The following LRRC40 variants were observed in gnomAD, a reference collection of about 807,000 sequenced individuals.
The protein encoded by LRRC40 is leucine-rich repeat-containing protein 40.
LRRC40 carries 76 observed loss-of-function variants against 72.8 expected under a neutral mutation model. The ratio of observed to expected loss-of-function variants is 1.04; its 90% confidence interval spans 0.87 to 1.26. The LOEUF (loss-of-function observed/expected upper bound fraction) is 1.26, where lower values mean the gene tolerates loss of function less well. Ranked by LOEUF, LRRC40 falls within the 50% of genes most tolerant of loss-of-function variation. The pLI is 0.00. For missense variants in LRRC40, 684 were observed against 698.9 expected (o/e 0.98, Z 0.24); for synonymous variants, 243 against 254.2 (o/e 0.96, Z 0.42).
Position 70,178,978 on chromosome 1 carries a change from T to A in LRRC40, c.677A>T (p.Asp226Val), listed in dbSNP as rs1417615140. Residue 226 changes from aspartate to valine, a missense_variant, in exon 6 of 15, where the codon GAT (aspartate) becomes GTT (valine). By Grantham distance (152) the Asp-to-Val change is radical. Coordinates refer to ENST00000370952, the MANE Select transcript of LRRC40 (RefSeq NM_017768.5). Reference protein sequence around the residue: ...INRMKRLKHLDCNSNLLETIP... With the variant: ...INRMKRLKHLVCNSNLLETIP... ...AGTTTCCAAGAGATTTGAATTACAA[T>A]CCAAATGCTTCAACCCTGTAATATA... 6.3e-7 allele frequency: 1 copy of A among 1,596,352 alleles called. No individual in the cohort carries two copies. Among genetic ancestry groups the A allele is most frequent in the Non-Finnish European group, 8.5e-7 (1 of 1,169,630 alleles).
At chr1:70,150,779 T>G (rs543919572) in intron 13 of LRRC40, among the ~76,000 whole-genome samples, 58 of 152,362 alleles carry the variant, frequency 3.8e-4, no homozygotes, top group African/African-American at 1.4e-3. Context: ...GGCAAATGTC[T>G]ATTTTTCAAA....
intron 3 of LRRC40, 34 bp downstream of exon 3, chr1:70,187,231 G>T (rs1668379428): frequency 3.1e-6 from 3 of 979,750 alleles, no homozygotes; most frequent in South Asian, 1.4e-5. Flanking sequence ...CCATTATAAG[G>T]GCAATAATAT....
At chr1:70,184,760 C>T (rs571525105) in intron 4 of LRRC40, 25 bp downstream of exon 4, 4 of 1,579,528 alleles carry the variant, frequency 2.5e-6, no homozygotes, top group East Asian at 2.3e-5. Context: ...CCAAATTGTA[C>T]AAAAATTGGA....
chr1:70,168,125 T>C (rs1363056190), intron 9 of LRRC40, among the ~76,000 whole-genome samples: 2 of 152,100 alleles, frequency 1.3e-5, no homozygotes, highest in Non-Finnish European at 2.9e-5. Context: ...CCCCAAACCC[T>C]ATCTCCCAGC....
intron 2 of LRRC40, among the ~76,000 whole-genome samples, chr1:70,188,218 T>C (rs567818795): frequency 3.1e-4 from 47 of 152,266 alleles, no homozygotes; most frequent in Non-Finnish European, 4.1e-4. Context: ...TTGGAGGACT[T>C]TTTATGTTGA....
At chr1:70,187,513 C>T (rs1198992626) in intron 2 of LRRC40, among the ~76,000 whole-genome samples, 175 bp from the exon 3 acceptor site, 2 of 151,980 alleles carry the variant, frequency 1.3e-5, no homozygotes, top group Non-Finnish European at 2.9e-5. Flanking sequence ...TTGAAGATGA[C>T]CAAACGGCTG....
chr1:70,179,526 G>A (rs1194235406), intron 5 of LRRC40, among the ~76,000 whole-genome samples: 1 of 152,090 alleles, frequency 6.6e-6, no homozygotes, highest in Non-Finnish European at 1.5e-5. Flanking sequence ...CTGGTACTCT[G>A]TTAAAGTACA....
At chr1:70,184,729 T>C in intron 4 of LRRC40, 56 bp downstream of exon 4, 1 of 1,496,762 alleles carries the variant, frequency 6.7e-7, no homozygotes, top group Non-Finnish European at 9.0e-7. Flanking sequence ...TTTCTCAGCC[T>C]GATGAAAAAT....
rs761260798 is a variant in LRRC40 at position 70,179,027 on chromosome 1, A to AGG, written c.662-35_662-34insCC. 6.5e-6 allele frequency: 9 copies of AGG among 1,385,032 alleles called. No homozygotes were observed. In the African/African-American group the frequency reaches 1.2e-4, roughly 18 times the overall value. The allele number at this position is 1,385,032 out of a possible 1,614,324, so 85.8% of individuals were successfully genotyped here. Reference sequence around the variant, plus strand: ...TATATTCAGTAAAAAACAAAAATAGAGAAAAAAAAATTAGTTTCTGATCGT... The same window carrying AGG: ...TATATTCAGTAAAAAACAAAAATAGAGGGAAAAAAAAATTAGTTTCTGATCGT... On this transcript the variant is annotated intron_variant, in intron 5 of 14. Transcript: ENST00000370952.
At chr1:70,190,696 A>AAAAAAAG (rs1668479521) in intron 1 of LRRC40, among the ~76,000 whole-genome samples, 2 of 115,058 alleles carry the variant, frequency 1.7e-5, no homozygotes, top group Admixed American at 8.0e-5. Context: ...AAAAAAAAAA[A>AAAAAAAG]CTTAAAAAAA....
intron 6 of LRRC40, among the ~76,000 whole-genome samples, chr1:70,177,107 C>T (rs1338478525): frequency 2.0e-5 from 3 of 152,074 alleles, no homozygotes; most frequent in Admixed American, 6.6e-5. Flanking sequence ...GAAACCCCAT[C>T]TCTATTAAAT....
chr1:70,170,347 C>T (rs1405072187), intron 9 of LRRC40, among the ~76,000 whole-genome samples: 1 of 152,188 alleles, frequency 6.6e-6, no homozygotes, highest in Non-Finnish European at 1.5e-5. Context: ...TGTCCAGTCT[C>T]AGTCCTTCTA....
At chr1:70,190,757 G>A (rs955554241) in intron 1 of LRRC40, among the ~76,000 whole-genome samples, 1 of 147,246 alleles carries the variant, frequency 6.8e-6, no homozygotes, top group South Asian at 2.1e-4. Flanking sequence ...TAAATTATAA[G>A]GTCCCTCTCT....
intron 13 of LRRC40, among the ~76,000 whole-genome samples, chr1:70,149,305 T>C (rs1187542076): frequency 1.3e-5 from 2 of 152,084 alleles, no homozygotes; most frequent in African/African-American, 2.4e-5. Flanking sequence ...GACTAGAAAA[T>C]AGAAGAATGG....
At chr1:70,158,296 T>A (rs371639411) in intron 10 of LRRC40, among the ~76,000 whole-genome samples, 6 of 151,980 alleles carry the variant, frequency 3.9e-5, no homozygotes, top group African/African-American at 1.4e-4. Flanking sequence ...GGAGACTGTA[T>A]CCTGACTGCT....
intron 9 of LRRC40, among the ~76,000 whole-genome samples, chr1:70,164,104 G>A (rs913518681): frequency 4.0e-5 from 6 of 151,568 alleles, no homozygotes; most frequent in Non-Finnish European, 7.4e-5. Flanking sequence ...GTGCCAATCC[G>A]GCCAGGTGCA....
At chr1:70,182,495 T>G (rs979740046) in intron 4 of LRRC40, among the ~76,000 whole-genome samples, 4 of 151,978 alleles carry the variant, frequency 2.6e-5, no homozygotes, top group African/African-American at 9.7e-5. Context: ...AACCTAAAAT[T>G]ATTCTAAAAT....
chr1:70,159,021 C>T (rs1402465012), intron 10 of LRRC40, among the ~76,000 whole-genome samples: 2 of 152,022 alleles, frequency 1.3e-5, no homozygotes, highest in African/African-American at 2.4e-5. Flanking sequence ...TTTTATTATA[C>T]TTTTAATATC....
chr1:70,201,065 G>C (rs946415089), intron 1 of LRRC40, among the ~76,000 whole-genome samples: 3 of 152,164 alleles, frequency 2.0e-5, no homozygotes, highest in Non-Finnish European at 4.4e-5. Context: ...CTACTTGACA[G>C]GCTGAGGAGG....
Sources: allele counts gnomAD v4.1 joint callset (sites outside exome capture counted in the v4.1 genomes callset), GRCh38; gene constraint gnomAD v4.1.1; transcripts MANE v1.5; gene names NCBI Gene and HGNC (gene_info 2026-07-23, HGNC 2026-07-21).